Variants in PTK2 observed in about 807,000 individuals in gnomAD.
PTK2 encodes the protein focal adhesion kinase 1.
A neutral mutation model predicts 150.1 loss-of-function variants in PTK2; 45 were observed. That is an observed-to-expected ratio of 0.30 (90% CI 0.24 to 0.38). The LOEUF (loss-of-function observed/expected upper bound fraction) is 0.38, where lower values mean the gene tolerates loss of function less well. Ranked by LOEUF, PTK2 falls within the 10% of genes least tolerant of loss-of-function variation. The pLI, the probability that PTK2 is intolerant of heterozygous loss-of-function variation, is 1.00. For synonymous variants in PTK2, 432 were observed against 449.2 expected (o/e 0.96, Z 0.48); for missense variants, 919 against 1,307.3 (o/e 0.70, Z 4.58).
intron 29 of PTK2, chr8:140,668,668 C>T: frequency 2.8e-6 from 1 of 361,540 alleles, no homozygotes; most frequent in African/African-American, 2.1e-5. Flanking sequence ...TGGAATCATA[C>T]ATATTATACT....
chr8:140,660,550 C>T (rs2078068829), intron 31 of PTK2: 3 of 449,896 alleles, frequency 6.7e-6, no homozygotes, highest in African/African-American at 2.0e-5. Context: ...ATGGTGAAAC[C>T]CCATCTCTAC....
chr8:140,887,375 T>C (rs2100152684), intron 3 of PTK2, among the ~76,000 whole-genome samples: 1 of 152,252 alleles, frequency 6.6e-6, no homozygotes, highest in South Asian at 2.1e-4. Context: ...ATTTTACTAC[T>C]GTTGCTGTAA....
intron 12 of PTK2, among the ~76,000 whole-genome samples, chr8:140,794,071 C>T (rs2100090166): frequency 6.6e-6 from 1 of 152,284 alleles, no homozygotes; most frequent in East Asian, 1.9e-4. Flanking sequence ...AAACATGGAG[C>T]CCTCCCTGGT....
intron 5 of PTK2, among the ~76,000 whole-genome samples, chr8:140,858,645 C>A (rs1162645877): frequency 6.6e-6 from 1 of 151,818 alleles, no homozygotes; most frequent in Non-Finnish European, 1.5e-5. Flanking sequence ...AAATGCCTAC[C>A]CTGATTTGTG....
intron 1 of PTK2, among the ~76,000 whole-genome samples, chr8:141,000,126 C>CACACACAA (rs1555522723): frequency 7.0e-6 from 1 of 142,644 alleles, no homozygotes; most frequent in African/African-American, 2.6e-5. Flanking sequence ...CACACACACA[C>CACACACAA]CCCTTCTTCT....
At chr8:140,663,062 G>C (rs1053654009) in intron 31 of PTK2, 2 of 292,936 alleles carry the variant, frequency 6.8e-6, no homozygotes, top group Non-Finnish European at 1.3e-5. Context: ...GTGCCCTGCA[G>C]AGTGGGACAG....
rs774818109 is a variant in PTK2 at position 140,876,762 on chromosome 8, CTT to C, written c.362+2707_362+2708del. On this transcript the variant is annotated intron_variant, in intron 4 of 31. Coordinates refer to ENST00000522684, the Ensembl canonical transcript of PTK2. The stretch of plus-strand genomic sequence containing the variant: ...TGGTATGTTCTGGAAAATTTTTTCT[CTT>C]GTTTACTAATTTTTCAGCTATGTCT... Among the ~76,000 whole-genome samples the C allele has an allele frequency of 8.5e-5, 13 of 152,136 alleles. No homozygotes were observed. The Middle Eastern group carries it at 0.01, about 119-fold the overall frequency.
At chr8:140,951,299 G>A (rs963981937) in intron 1 of PTK2, among the ~76,000 whole-genome samples, 3 of 152,098 alleles carry the variant, frequency 2.0e-5, no homozygotes, top group South Asian at 2.1e-4. Context: ...AACCAACTCC[G>A]CCAAAGCTAG....
At chr8:140,694,892 C>A (rs1326974110) in intron 26 of PTK2, among the ~76,000 whole-genome samples, 1 of 152,220 alleles carries the variant, frequency 6.6e-6, no homozygotes, top group Non-Finnish European at 1.5e-5. Context: ...AGAGCTTCTA[C>A]AACCGACACA....
In PTK2 at chr8:140,705,736, C is replaced by CAT. The variant is rs546391150; in HGVS notation, c.2229+381_2229+382dup. Among the ~76,000 whole-genome samples the CAT allele has an allele frequency of 3.3e-5, 5 of 152,150 alleles. No homozygotes were observed. The South Asian group carries it at 1.0e-3, about 32-fold the overall frequency. ...AAATCTAACACTTTTCACACTTGTC[C>CAT]ATATGGTATTTCATCTGGGTTCTGT... On this transcript the variant is annotated intron_variant, in intron 24 of 31. Transcript: ENST00000522684.
chr8:140,873,365 A>G (rs912483435), intron 4 of PTK2, among the ~76,000 whole-genome samples: 6 of 152,230 alleles, frequency 3.9e-5, no homozygotes, highest in Admixed American at 2.0e-4. Flanking sequence ...ATCAATAATG[A>G]AGTTGACAGT....
intron 26 of PTK2, among the ~76,000 whole-genome samples, chr8:140,694,157 T>C (rs576749374): frequency 3.5e-4 from 53 of 151,672 alleles, no homozygotes; most frequent in East Asian, 2.5e-3. Flanking sequence ...TCTCCTGCCT[T>C]AGCCTCCTGA....
chr8:140,927,974 AAATAT>A (rs1394101698), intron 1 of PTK2, among the ~76,000 whole-genome samples: 102 of 63,976 alleles, frequency 1.6e-3, no homozygotes, highest in Non-Finnish European at 2.6e-3. Flanking sequence ...AAAAAAAAAA[AAATAT>A]ATATATATAT....
chr8:140,713,779 TGGTATTAA>T (rs1291495890), intron 23 of PTK2, among the ~76,000 whole-genome samples: 1 of 152,204 alleles, frequency 6.6e-6, no homozygotes, highest in African/African-American at 2.4e-5. Context: ...ATGAAAAAAT[TGGTATTAA>T]GTATGATGAA....
At chr8:140,909,790 G>A (rs1329380582) in intron 2 of PTK2, among the ~76,000 whole-genome samples, 1 of 152,134 alleles carries the variant, frequency 6.6e-6, no homozygotes. Flanking sequence ...GAAATCCACT[G>A]AGACCTTCCC....
chr8:140,921,683 T>A (rs1317006639), intron 2 of PTK2, among the ~76,000 whole-genome samples: 1 of 152,238 alleles, frequency 6.6e-6, no homozygotes, highest in African/African-American at 2.4e-5. Flanking sequence ...GGTAGCCACA[T>A]TCTTTAACAT....
chr8:140,776,201 C>T (rs2100078355), intron 14 of PTK2, among the ~76,000 whole-genome samples: 1 of 152,204 alleles, frequency 6.6e-6, no homozygotes, highest in African/African-American at 2.4e-5. Context: ...ACAGGTTTCA[C>T]CATGTTGGCC....
rs536985422 is a variant in PTK2, at chr8:140,929,228, G to C, written c.-121-3479C>G. On this transcript the variant is annotated intron_variant, in intron 1 of 31. Transcript: ENST00000522684. ...GATCCGCCCGCCTCGGCCTCCCAAAGTGCTGGGATTACAGGCGTGAGCCAC... is the reference window on the plus strand; with the variant it reads ...GATCCGCCCGCCTCGGCCTCCCAAACTGCTGGGATTACAGGCGTGAGCCAC... 3.5e-3 allele frequency among the ~76,000 whole-genome samples: 525 copies of C among 151,938 alleles called. 4 individuals are homozygous for C. Among genetic ancestry groups the C allele is most frequent in the African/African-American group, 0.012 (498 of 41,424 alleles).
chr8:140,752,986 C>T (rs2100063657), intron 16 of PTK2, among the ~76,000 whole-genome samples: 4 of 152,148 alleles, frequency 2.6e-5, no homozygotes, highest in Admixed American at 6.5e-5. Context: ...GCCTTCAAGG[C>T]CAATAGAAAG....
Sources: allele counts gnomAD v4.1 joint callset (sites outside exome capture counted in the v4.1 genomes callset), GRCh38; gene constraint gnomAD v4.1.1; transcripts MANE v1.5; gene names NCBI Gene and HGNC (gene_info 2026-07-23, HGNC 2026-07-21).